ARHGEF10L: variants seen among roughly 807,000 people sequenced by gnomAD.
ARHGEF10L encodes the protein rho guanine nucleotide exchange factor 10-like protein.
In ARHGEF10L, 69 loss-of-function variants were observed where a neutral mutation model predicts 141.2. The observed-to-expected ratio is 0.49, with a 90% CI of 0.40 to 0.60. The LOEUF (loss-of-function observed/expected upper bound fraction) is 0.60. Ranked by LOEUF, ARHGEF10L falls within the 20% of genes least tolerant of loss-of-function variation. The pLI, the probability that ARHGEF10L is intolerant of heterozygous loss-of-function variation, is 0.00. For synonymous variants in ARHGEF10L, 711 were observed against 718.5 expected, an observed-to-expected ratio of 0.99 and a Z score of 0.17; for missense variants, 1,482 against 1,734.3, an observed-to-expected ratio of 0.85 and a Z score of 2.58.
intron 27 of ARHGEF10L, among the ~76,000 whole-genome samples, chr1:17,692,592 T>A (rs994874495): frequency 1.3e-5 from 2 of 152,030 alleles, no homozygotes; most frequent in African/African-American, 4.8e-5. Flanking sequence ...CAGGTTGGGC[T>A]CTCCTCACCT....
At position 17,587,448 on chromosome 1, in the gene ARHGEF10L, T is replaced by C. The variant is rs755563674; in HGVS notation, c.38-12T>C. On this transcript the variant is annotated splice_polypyrimidine_tract_variant and intron_variant, in intron 2 of 28. Transcript: ENST00000361221. ...AGATCCTGCAGCCTGGCCAACTCCT[T>C]CTCTCTTCCAGGAGATCAGCTGGTT... The C allele has an allele frequency of 6.2e-7, 1 of 1,608,948 alleles. No individual in the cohort carries two copies. Among genetic ancestry groups the C allele is most frequent in the Non-Finnish European group, 8.5e-7 (1 of 1,177,714 alleles).
chr1:17,539,777 C>CGCGG lies in ARHGEF10L; in HGVS notation c.-204_-201dup, dbSNP rs983934785. 1.2e-4 allele frequency: 17 copies of CGCGG among 146,044 alleles called. 1 individual carries two copies. The highest frequency in any genetic ancestry group is 4.0e-4 in the East Asian group (2 of 4,962). The allele number at this position is 146,044 out of a possible 1,614,324, so 9.0% of individuals were successfully genotyped here. A position where few individuals can be genotyped will look rare whatever the true frequency, so the allele number is the denominator to read the frequency against. ...GCGCAGTCCCGGCGGGCCCGGACCT[C>CGCGG]GCGGGCGGGCGGGCGGCGCGGCCAT... is the stretch of plus-strand genomic sequence containing the variant. On this transcript the variant is annotated 5_prime_UTR_variant, in exon 1 of 29. Coordinates refer to ENST00000361221, the MANE Select transcript of ARHGEF10L (RefSeq NM_018125.4). The surrounding 1 kb of genome is among the most constrained non-coding windows in gnomAD (Gnocchi z 6.0).
intron 26 of ARHGEF10L, among the ~76,000 whole-genome samples, chr1:17,684,020 C>T (rs894822440): frequency 2.0e-5 from 3 of 152,222 alleles, no homozygotes; most frequent in African/African-American, 7.2e-5. Flanking sequence ...CATGTTTGTG[C>T]ATCCGTGAGC....
At chr1:17,616,287 G>A (rs1317650561) in intron 9 of ARHGEF10L, 85 bp downstream of exon 9, 2 of 1,146,672 alleles carry the variant, frequency 1.7e-6, no homozygotes, top group Non-Finnish European at 2.6e-6. Flanking sequence ...ACACCCCAGA[G>A]GTCATGCTGG....
chr1:17,685,584 T>C (rs1326699799), intron 26 of ARHGEF10L, among the ~76,000 whole-genome samples: 2 of 152,282 alleles, frequency 1.3e-5, no homozygotes, highest in Admixed American at 1.3e-4. Flanking sequence ...CTATCTGATG[T>C]AATCTTTCTT....
chr1:17,527,581 A>T, the ARHGEF10L span, among the ~76,000 whole-genome samples: 1 of 152,060 alleles, frequency 6.6e-6, no homozygotes, highest in Non-Finnish European at 1.5e-5. Context: ...AGCAGGTTAA[A>T]TTCCCTGGTG....
intron 1 of ARHGEF10L, among the ~76,000 whole-genome samples, chr1:17,576,386 G>A (rs187729560): frequency 1.0e-3 from 156 of 152,108 alleles, no homozygotes; most frequent in Admixed American, 1.8e-3. Context: ...GGGTGGTCCC[G>A]TCGCTGAGCC....
At chr1:17,518,847 G>C in the ARHGEF10L span, among the ~76,000 whole-genome samples, 14 of 120,480 alleles carry the variant, frequency 1.2e-4, no homozygotes, top group Non-Finnish European at 2.3e-4. Context: ...AAAAGAAGAA[G>C]AACTCAGTGT....
Position 17,558,380 on chromosome 1 carries a change from G to A in ARHGEF10L, c.-44+18430G>A, listed in dbSNP as rs949749909. Among the ~76,000 whole-genome samples, 3 of 152,188 alleles carry A rather than the reference G, an allele frequency of 2.0e-5. No homozygotes were observed. Among genetic ancestry groups the A allele is most frequent in the Non-Finnish European group, 4.4e-5 (3 of 68,044 alleles). ...GGGTATTGGAGAGACAGAAATGAAA[G>A]GCATTATTCTTGCCTTCAAGGAACT... On this transcript the variant is annotated intron_variant, in intron 1 of 28. Coordinates refer to ENST00000361221, the MANE Select transcript of ARHGEF10L (RefSeq NM_018125.4). This position sits in a 1 kb window ranked among gnomAD's most constrained non-coding sequence, Gnocchi z 4.2.
intron 1 of ARHGEF10L, among the ~76,000 whole-genome samples, chr1:17,548,368 C>T (rs189317803): frequency 1.3e-5 from 2 of 151,878 alleles, no homozygotes; most frequent in Non-Finnish European, 2.9e-5. Flanking sequence ...TAACAAAGGG[C>T]GATAAATTGT....
chr1:17,554,583 CTTTTTTTTTTT>C (rs970778480), intron 1 of ARHGEF10L, among the ~76,000 whole-genome samples: 3 of 122,316 alleles, frequency 2.5e-5, no homozygotes, highest in South Asian at 2.5e-4. Context: ...TCCTTCCTTC[CTTTTTTTTTTT>C]TTTTTTTTTT....
chr1:17,533,465 G>A, the ARHGEF10L span, among the ~76,000 whole-genome samples: 236 of 152,206 alleles, frequency 1.6e-3, 5 homozygotes, highest in Non-Finnish European at 2.2e-4. Context: ...CCACTGTGCC[G>A]GCTTGCTGTG....
At chr1:17,574,986 G>A in intron 1 of ARHGEF10L, among the ~76,000 whole-genome samples, 1 of 152,228 alleles carries the variant, frequency 6.6e-6, no homozygotes, top group East Asian at 1.9e-4. Context: ...CCCCACACAA[G>A]CAGCTCCCCA....
chr1:17,624,578 C>G, intron 13 of ARHGEF10L, 75 bp downstream of exon 13: 1 of 1,258,586 alleles, frequency 7.9e-7, no homozygotes, highest in South Asian at 1.2e-5. Flanking sequence ...AGCATTTTGG[C>G]CCCAGCTTTG....
intron 26 of ARHGEF10L, among the ~76,000 whole-genome samples, chr1:17,668,732 C>G (rs2063134342): frequency 6.6e-6 from 1 of 152,230 alleles, no homozygotes; most frequent in South Asian, 2.1e-4. Context: ...TTTCTGTTCG[C>G]TGCGCGGTGC....
intron 2 of ARHGEF10L, among the ~76,000 whole-genome samples, chr1:17,586,338 G>A (rs751818250): frequency 3.1e-4 from 47 of 152,234 alleles, no homozygotes; most frequent in South Asian, 6.2e-4. Context: ...CCATGTGAGC[G>A]CAGAGCTCAT....
chr1:17,688,581 G>A (rs1323036968), intron 27 of ARHGEF10L, among the ~76,000 whole-genome samples: 3 of 152,214 alleles, frequency 2.0e-5, no homozygotes, highest in African/African-American at 7.2e-5. Flanking sequence ...GGCAGGGCTG[G>A]GTTCAGCAGC....
At chr1:17,518,065 T>A in the ARHGEF10L span, among the ~76,000 whole-genome samples, 1 of 152,264 alleles carries the variant, frequency 6.6e-6, no homozygotes, top group African/African-American at 2.4e-5. Context: ...TCAGTCTCTG[T>A]CGCTGATCAA....
chr1:17,522,459 C>T, the ARHGEF10L span, among the ~76,000 whole-genome samples: 1 of 151,994 alleles, frequency 6.6e-6, no homozygotes, highest in African/African-American at 2.4e-5. Context: ...AGTGATGGAA[C>T]AGAGTCAGAT....
Sources: allele counts gnomAD v4.1 joint callset (sites outside exome capture counted in the v4.1 genomes callset), GRCh38; gene constraint gnomAD v4.1.1; non-coding constraint Gnocchi (gnomAD v3.1); transcripts MANE v1.5; gene names NCBI Gene and HGNC (gene_info 2026-07-23, HGNC 2026-07-21).